CLASP1: variants seen among roughly 807,000 people sequenced by gnomAD.
The protein encoded by CLASP1 is cytoplasmic linker associated protein 1.
In CLASP1, 38 loss-of-function variants were observed where a neutral mutation model predicts 192.3. That is an observed-to-expected ratio of 0.20 (90% CI 0.15 to 0.26). The LOEUF is 0.26. CLASP1 is among the 10% of genes least tolerant of loss of function. The probability of loss-of-function intolerance (pLI) is 1.00; values close to 1 mark genes in which losing one functional copy is unlikely to be tolerated. For missense variants in CLASP1, 1,433 were observed against 1,932.5 expected, an observed-to-expected ratio of 0.74 and a Z score of 4.85; for synonymous variants, 691 against 712.8, an observed-to-expected ratio of 0.97 and a Z score of 0.49.
Position 121,565,231 on chromosome 2 carries a change from C to T in CLASP1, c.196-34906G>A, listed in dbSNP as rs948737891. On this transcript the variant is annotated intron_variant, in intron 2 of 39. Coordinates refer to ENST00000263710, the Ensembl canonical transcript of CLASP1. ...GTCCCAGGCTACGTGGATATAGGGT[C>T]TCCCTAGGCATGAGTTCCTCAGGGC... 8.5e-5 allele frequency among the ~76,000 whole-genome samples: 13 copies of T among 152,328 alleles called. 1 individual carries two copies. The highest frequency in any genetic ancestry group is 7.2e-4 in the Admixed American group (11 of 15,302).
chr2:121,627,194 G>A (rs545581032), intron 1 of CLASP1, among the ~76,000 whole-genome samples: 81 of 152,254 alleles, frequency 5.3e-4, no homozygotes, highest in African/African-American at 1.3e-3. Context: ...CAAAATATGC[G>A]TAACCATTGG....
chr2:121,467,268 A>G (rs551224067), intron 9 of CLASP1, among the ~76,000 whole-genome samples: 74 of 152,228 alleles, frequency 4.9e-4, no homozygotes, highest in Middle Eastern at 3.2e-3. Flanking sequence ...TGGGATGAAC[A>G]TATGCATACA....
intron 1 of CLASP1, among the ~76,000 whole-genome samples, chr2:121,614,425 G>A (rs1264288510): frequency 1.3e-5 from 2 of 152,180 alleles, no homozygotes; most frequent in Non-Finnish European, 2.9e-5. Context: ...GAGCCTGGGA[G>A]GCAGAGTTTG....
At chr2:121,423,508 A>G (rs2079868067) in intron 22 of CLASP1, among the ~76,000 whole-genome samples, 1 of 152,226 alleles carries the variant, frequency 6.6e-6, no homozygotes, top group Non-Finnish European at 1.5e-5. Context: ...AAAAAATCTC[A>G]AAACAGAAAA....
intron 34 of CLASP1, among the ~76,000 whole-genome samples, chr2:121,376,872 C>T (rs960358303): frequency 2.6e-5 from 4 of 152,166 alleles, no homozygotes; most frequent in Admixed American, 1.3e-4. Context: ...GAGTCTAATG[C>T]CTGATGATTT....
chr2:121,476,620 C>G (rs1361475744), intron 8 of CLASP1, among the ~76,000 whole-genome samples: 1 of 152,194 alleles, frequency 6.6e-6, no homozygotes, highest in Non-Finnish European at 1.5e-5. Flanking sequence ...GCTTTTCCTT[C>G]TCTTCTTCTG....
intron 20 of CLASP1, among the ~76,000 whole-genome samples, chr2:121,429,210 G>A (rs1310774842): frequency 2.0e-5 from 3 of 152,148 alleles, no homozygotes; most frequent in African/African-American, 4.8e-5. Context: ...TTAAGGTTTG[G>A]TGCAGACTGA....
chr2:121,626,337 T>C (rs976889000), intron 1 of CLASP1, among the ~76,000 whole-genome samples: 1 of 152,178 alleles, frequency 6.6e-6, no homozygotes, highest in Non-Finnish European at 1.5e-5. Context: ...TATAAAGAAT[T>C]AATACACCAA....
At position 121,585,175 on chromosome 2, in the gene CLASP1, A is replaced by G. The variant is rs1017814210; in HGVS notation, c.195+20526T>C. Among the ~76,000 whole-genome samples the G allele has an allele frequency of 1.3e-4, 20 of 152,334 alleles. 1 individual carries two copies. The East Asian group carries it at 1.5e-3, about 12-fold the overall frequency. On this transcript the variant is annotated intron_variant, in intron 2 of 39. Transcript: ENST00000263710. ...GAGGAGTGTGAATTCTAACCCAAAC[A>G]GTCTGGTCCCAGGTTAACTTTTCAA...
chr2:121,349,376 C>T (rs952281369), intron 37 of CLASP1, among the ~76,000 whole-genome samples: 1 of 152,158 alleles, frequency 6.6e-6, no homozygotes, highest in Non-Finnish European at 1.5e-5. Context: ...CAGAGATGGG[C>T]CCCAACTGGA....
At chr2:121,533,902 T>G (rs1392910131) in intron 2 of CLASP1, among the ~76,000 whole-genome samples, 1 of 152,198 alleles carries the variant, frequency 6.6e-6, no homozygotes, top group African/African-American at 2.4e-5. Context: ...ATAGATGAGT[T>G]CTCAAGGTCC....
intron 8 of CLASP1, among the ~76,000 whole-genome samples, chr2:121,491,416 G>A (rs2093297816): frequency 6.6e-6 from 1 of 152,164 alleles, no homozygotes; most frequent in Non-Finnish European, 1.5e-5. Context: ...CCAAATTAAT[G>A]TTCATGGGCC....
At chr2:121,363,528 G>A (rs981913332) in intron 36 of CLASP1, among the ~76,000 whole-genome samples, 2 of 152,184 alleles carry the variant, frequency 1.3e-5, no homozygotes, top group Non-Finnish European at 2.9e-5. Flanking sequence ...GACATTCCCA[G>A]GACCCAGCGC....
intron 39 of CLASP1, among the ~76,000 whole-genome samples, chr2:121,345,558 TC>T (rs2063343658): frequency 6.6e-6 from 1 of 152,198 alleles, no homozygotes. Context: ...CACCTACAAA[TC>T]CCTGATGGAG....
chr2:121,483,496 G>A (rs1248670274), intron 8 of CLASP1, among the ~76,000 whole-genome samples: 2 of 151,584 alleles, frequency 1.3e-5, no homozygotes, highest in Admixed American at 6.6e-5. Flanking sequence ...ATATATATGT[G>A]TGTATATATA....
At position 121,347,003 on chromosome 2, in the gene CLASP1, G is replaced by C; in HGVS notation, c.4530+35C>G. Reference sequence around the variant, plus strand: ...ATTTATGACAAGCTGGCAGAGCCCAGGTGTGCGTATCAGCCCAGGTAACAC... The same window carrying C: ...ATTTATGACAAGCTGGCAGAGCCCACGTGTGCGTATCAGCCCAGGTAACAC... On this transcript the variant is annotated intron_variant, in intron 39 of 39. Transcript: ENST00000263710. 5 of 1,309,162 alleles carry C rather than the reference G, an allele frequency of 3.8e-6. No homozygotes were observed. The South Asian group carries it at 6.4e-5, about 17-fold the overall frequency. 81.1% of individuals were successfully genotyped at this position (1,309,162 alleles called of 1,614,324 possible).
Position 121,431,744 on chromosome 2 carries a change from T to C in CLASP1, c.1913-1567A>G, listed in dbSNP as rs1480235236. Among the ~76,000 whole-genome samples the C allele has an allele frequency of 3.3e-5, 5 of 151,066 alleles. No individual in the cohort carries two copies. In the East Asian group the frequency reaches 5.8e-4, roughly 17 times the overall value. ...CTAAACCCAGTGTTCAGCATTCCCTTGGTTTTTTTTTTTTTTTGTAAATAC... is the reference window on the plus strand; with the variant it reads ...CTAAACCCAGTGTTCAGCATTCCCTCGGTTTTTTTTTTTTTTTGTAAATAC... On this transcript the variant is annotated intron_variant, in intron 19 of 39. Coordinates refer to ENST00000263710, the Ensembl canonical transcript of CLASP1.
At chr2:121,405,667 T>C (rs1175770850) in intron 25 of CLASP1, among the ~76,000 whole-genome samples, 1 of 152,260 alleles carries the variant, frequency 6.6e-6, no homozygotes, top group Non-Finnish European at 1.5e-5. Flanking sequence ...AACAGATTCC[T>C]AGAAATTATT....
intron 37 of CLASP1, among the ~76,000 whole-genome samples, chr2:121,357,630 C>T (rs1037673845): frequency 1.3e-5 from 2 of 152,156 alleles, no homozygotes; most frequent in South Asian, 2.1e-4. Flanking sequence ...AGTTCATCAG[C>T]GAGGCAGAAC....
Sources: allele counts gnomAD v4.1 joint callset (sites outside exome capture counted in the v4.1 genomes callset), GRCh38; gene constraint gnomAD v4.1.1; transcripts MANE v1.5; gene names NCBI Gene and HGNC (gene_info 2026-07-23, HGNC 2026-07-21).